The following ATG9B variants were observed in gnomAD, a reference collection of about 807,000 sequenced individuals.
ATG9B encodes the protein autophagy-related protein 9B.
Under a neutral mutation model 92.9 loss-of-function variants are expected in ATG9B, and 92 were observed. The ratio of observed to expected loss-of-function variants is 0.99; its 90% CI spans 0.84 to 1.18. The LOEUF is 1.18. Among genes scored for constraint, ATG9B ranks in the 50% most tolerant of loss-of-function variants. The pLI is 0.00. For synonymous variants in ATG9B, 599 were observed against 551.4 expected (o/e 1.09, Z -1.21); for missense variants, 1,344 against 1,235.0 (o/e 1.09, Z -1.32).
At chr7:151,012,333 G>T, downstream of ATG9B, 1 of 1,547,000 alleles carries the variant, frequency 6.5e-7, no homozygotes, top group Non-Finnish European at 8.7e-7. Context: ...GGACCTGATG[G>T]AGTGTCTCTC....
Position 151,016,226 on chromosome 7 carries a change from GC to G in ATG9B, c.2529del (p.Gln843HisfsTer67). 1.3e-6 allele frequency: 2 copies of G among 1,491,926 alleles called. No individual in the cohort carries two copies. Among genetic ancestry groups the G allele is most frequent in the Non-Finnish European group, 1.8e-6 (2 of 1,117,602 alleles). The allele number at this position is 1,491,926 out of a possible 1,614,324, so 92.4% of individuals were successfully genotyped here. On this transcript the variant is annotated frameshift_variant, in exon 12 of 14. Transcript: ENST00000639579. LOFTEE classifies it high-confidence loss of function. ...CCCCACGGCTCCTGCTGCTGCTGCT[GC>G]TGGTGAAGCTGCATGGAAAGGAGGA... ...LHVIYLHQLH[Q>X]QQQQQEPWGE...
rs1174767765 is a variant in ATG9B, at chr7:151,019,176, T to C, written c.1162A>G (p.Ser388Gly). 1 of 1,536,730 alleles carries C rather than the reference T, an allele frequency of 6.5e-7. No homozygotes were observed. Among genetic ancestry groups the C allele is most frequent in the Admixed American group, 2.0e-5 (1 of 50,962 alleles). The change falls in exon 6 of 14, where the codon AGT becomes GGT. Residue 388 changes from serine (S) to glycine (G), a missense_variant. Ser to Gly is a moderately conservative substitution (Grantham distance 56). Transcript: ENST00000639579. ...PARCPLPWGG[S>G]AAFLSRGLAL... The stretch of plus-strand genomic sequence containing the variant: ...AGGCCGCGGCTGAGGAAAGCCGCAC[T>C]GCCTCCCCAGGGCAGCGGGCAGCGG...
chr7:151,017,007 C>T (rs753479642), intron 9 of ATG9B, 29 bp downstream of exon 9: 4 of 1,560,162 alleles, frequency 2.6e-6, no homozygotes, highest in Non-Finnish European at 3.5e-6. Flanking sequence ...GGGGTGAAGG[C>T]AGAAGGGGAG....
In ATG9B at chr7:151,018,718, G is replaced by T. The variant is rs765490252; in HGVS notation, c.1620C>A (p.Ala540=). Residue 540 remains alanine (A), a synonymous_variant, in exon 6 of 14, where the codon GCC becomes GCA. Transcript: ENST00000639579. This position sits in a 1 kb window ranked among gnomAD's most constrained non-coding sequence, Gnocchi z 4.7. ...CGTAGACGGTGAGCACAAGCAGCGC[G>T]GCGAAGAGTGCACCCGCGAAGAAAA... ...QLVFFAGALF[A]ALLVLTVYDE... is the part of the protein sequence containing the mutation. 1 of 1,596,626 alleles carries T rather than the reference G, an allele frequency of 6.3e-7. No homozygotes were observed. The highest frequency in any genetic ancestry group is 1.7e-5 in the Admixed American group (1 of 58,570).
In ATG9B at chr7:151,021,254, T is replaced by G. The variant is rs1795735714; in HGVS notation, c.897A>C (p.Ser299=). The G allele has an allele frequency of 1.2e-6, 2 of 1,613,374 alleles. No individual in the cohort carries two copies. Among genetic ancestry groups the G allele is most frequent in the Admixed American group, 1.7e-5 (1 of 59,984 alleles). ...CCCAGTAGCTGAAGAGGTTGCAGACTGAGCGAAGCAGTTGGACCAGCCAGA... is the reference window on the plus strand; with the variant it reads ...CCCAGTAGCTGAAGAGGTTGCAGACGGAGCGAAGCAGTTGGACCAGCCAGA... The part of the protein sequence containing the change: ...AGFWLVQLLR[S]VCNLFSYWDI... Residue 299 remains serine (S), a synonymous_variant, in exon 5 of 14, where the codon TCA becomes TCC. Transcript: ENST00000639579.
In ATG9B at chr7:151,016,571, C is replaced by T. The variant is rs574445643; in HGVS notation, c.2424-44G>A. ...CAGGTCAAAAGTCATGCCCTCCTCCCGCCACACCCCAGAGGACTCCCCTTC... is the reference window on the plus strand; with the variant it reads ...CAGGTCAAAAGTCATGCCCTCCTCCTGCCACACCCCAGAGGACTCCCCTTC... On this transcript the variant is annotated intron_variant, in intron 10 of 13. Coordinates refer to ENST00000639579, the MANE Select transcript of ATG9B (RefSeq NM_001317056.2). The T allele has an allele frequency of 4.5e-5, 69 of 1,544,620 alleles. No homozygotes were observed. The Middle Eastern group carries it at 6.8e-4, about 15-fold the overall frequency.
At chr7:151,013,373 C>T (rs758963869), downstream of ATG9B, 3 of 1,612,810 alleles carry the variant, frequency 1.9e-6, no homozygotes, top group South Asian at 2.2e-5. Flanking sequence ...AACCTGACAA[C>T]CCCAAGGTGT....
downstream of ATG9B, chr7:151,013,909 C>T (rs1282954863): frequency 6.3e-7 from 1 of 1,599,776 alleles, no homozygotes; most frequent in Non-Finnish European, 8.5e-7. Context: ...ACGTCATCGG[C>T]GTGCTGCGGG....
chr7:151,012,569 G>GA (rs1795329476), downstream of ATG9B: 1 of 1,422,988 alleles, frequency 7.0e-7, no homozygotes, highest in African/African-American at 1.4e-5. Context: ...GAGAGGGCAG[G>GA]AAACAAAGTC....
intron 4 of ATG9B, among the ~76,000 whole-genome samples, chr7:151,021,711 G>A (rs897720899): frequency 6.7e-6 from 1 of 150,324 alleles, no homozygotes; most frequent in Admixed American, 6.6e-5. Flanking sequence ...GTGCAGTGGC[G>A]CAATCTTGGC....
At chr7:151,021,775 G>T (rs1278413290) in intron 4 of ATG9B, among the ~76,000 whole-genome samples, 1 of 151,536 alleles carries the variant, frequency 6.6e-6, no homozygotes, top group African/African-American at 2.4e-5. Context: ...TCAGCCTCCA[G>T]GGTAGCTGGG....
At chr7:151,021,005 GCT>G in intron 5 of ATG9B, 181 bp downstream of exon 5, 1 of 666,478 alleles carries the variant, frequency 1.5e-6, no homozygotes, top group South Asian at 1.8e-5. Flanking sequence ...TAAGGGCCAT[GCT>G]CTCTAGGTGG....
In ATG9B at chr7:151,023,033, G is replaced by A; in HGVS notation, c.821+12C>T. 6.2e-7 allele frequency: 1 copy of A among 1,614,024 alleles called. No individual in the cohort carries two copies. Among genetic ancestry groups the A allele is most frequent in the Non-Finnish European group, 8.5e-7 (1 of 1,179,998 alleles). The stretch of plus-strand genomic sequence containing the variant: ...TGCTTCACCCCCAGGGCCCCACCAG[G>A]TTGTCACTAACCTCTCAGCACACTG... On this transcript the variant is annotated intron_variant, in intron 4 of 13. Transcript: ENST00000639579.
At chr7:151,017,659 G>C (rs1077872) in intron 8 of ATG9B, among the ~76,000 whole-genome samples, 59,382 of 152,136 alleles carry the variant, frequency 0.39, 12,313 homozygotes, top group African/African-American at 0.53. Context: ...TAATCTGTGT[G>C]TTCACAAGCC....
chr7:151,013,707 A>ACCCCGCCG, downstream of ATG9B: 3 of 1,573,752 alleles, frequency 1.9e-6, no homozygotes, highest in Non-Finnish European at 2.6e-6. Context: ...GCCCGCCCTA[A>ACCCCGCCG]CCCCGCCGCC....
At chr7:151,013,609 C>A, downstream of ATG9B, 1 of 1,087,568 alleles carries the variant, frequency 9.2e-7, no homozygotes, top group Non-Finnish European at 1.3e-6. Flanking sequence ...CCAGGGCACG[C>A]AGGCCCCACC....
chr7:151,013,270 G>C (rs1474354751), downstream of ATG9B: 3 of 1,613,828 alleles, frequency 1.9e-6, no homozygotes, highest in Non-Finnish European at 2.5e-6. Context: ...TTCGGCTGCC[G>C]ATGCTCCCAA....
Position 151,017,244 on chromosome 7 carries a change from G to T in ATG9B, c.2081C>A (p.Ser694Ter), listed in dbSNP as rs556638419. Residue 694 changes from serine to a stop codon, truncating the protein, a stop_gained, in exon 9 of 14, where the codon TCG becomes TAG. Transcript: ENST00000639579. LOFTEE classifies it high-confidence loss of function. Reference protein sequence around the residue: ...QWLSAGQTEASLSQRAEDGKT... With the variant: ...QWLSAGQTEA Reference sequence around the variant, plus strand: ...GCCGTCCTCCGCACGCTGAGACAGCGAGGCCTCAGTCTGTCCCGCCGAGAG... The same window carrying T: ...GCCGTCCTCCGCACGCTGAGACAGCTAGGCCTCAGTCTGTCCCGCCGAGAG... 6.2e-7 allele frequency: 1 copy of T among 1,605,310 alleles called. No individual in the cohort carries two copies. The highest frequency in any genetic ancestry group is 8.5e-7 in the Non-Finnish European group (1 of 1,174,500).
At chr7:151,014,654 G>C (rs1280634136), downstream of ATG9B, 1 of 152,170 alleles carries the variant, frequency 6.6e-6, no homozygotes, top group Non-Finnish European at 1.5e-5. Flanking sequence ...TGCCGCCCGG[G>C]CTGGAGTGCA....
Sources: gnomAD v4.1 joint callset for allele counts (sites outside exome capture counted in the v4.1 genomes callset) on GRCh38, gnomAD v4.1.1 for gene constraint, Gnocchi (gnomAD v3.1) non-coding constraint, MANE v1.5 for transcripts, NCBI Gene and HGNC (gene_info 2026-07-23, HGNC 2026-07-21) for gene names.